Variants in TPTE2 observed in about 807,000 individuals in gnomAD.
The protein encoded by TPTE2 is phosphatidylinositol 3,4,5-trisphosphate 3-phosphatase TPTE2.
A neutral mutation model predicts 78.6 loss-of-function variants in TPTE2; 53 were observed. The observed-to-expected ratio is 0.67, with a 90% CI of 0.54 to 0.85. TPTE2 has a LOEUF of 0.85. Ranked by LOEUF, TPTE2 falls within the 40% of genes least tolerant of loss-of-function variation. TPTE2 has a pLI of 0.00. For synonymous variants in TPTE2, 175 were observed against 206.2 expected (o/e 0.85, Z 1.30); for missense variants, 461 against 623.0 (o/e 0.74, Z 2.77).
At chr13:19,439,336 A>C (rs1248950131) in intron 13 of TPTE2, among the ~76,000 whole-genome samples, 3 of 152,012 alleles carry the variant, frequency 2.0e-5, no homozygotes, top group Non-Finnish European at 4.4e-5. Flanking sequence ...GCAGAAGTGC[A>C]TAGGGCTGCA....
intron 19 of TPTE2, among the ~76,000 whole-genome samples, chr13:19,424,027 T>C (rs1391137160): frequency 6.6e-6 from 1 of 152,222 alleles, no homozygotes; most frequent in African/African-American, 2.4e-5. Flanking sequence ...CATTAAATGT[T>C]TTGCATTGCA....
intron 10 of TPTE2, among the ~76,000 whole-genome samples, chr13:19,456,778 G>A (rs1878561771): frequency 6.6e-6 from 1 of 152,108 alleles, no homozygotes. Flanking sequence ...GTGGGGGTGT[G>A]TTTGTGTGGG....
At chr13:19,547,421 A>C in the TPTE2 span, among the ~76,000 whole-genome samples, 1 of 152,218 alleles carries the variant, frequency 6.6e-6, no homozygotes, top group Non-Finnish European at 1.5e-5. Flanking sequence ...GGATTTTTAC[A>C]TAATCGGTTG....
chr13:19,498,901 C>T (rs1881571527), intron 1 of TPTE2, among the ~76,000 whole-genome samples: 1 of 152,032 alleles, frequency 6.6e-6, no homozygotes, highest in Non-Finnish European at 1.5e-5. Flanking sequence ...ATTCAGAAAA[C>T]CCATCTCACA....
the TPTE2 span, among the ~76,000 whole-genome samples, chr13:19,559,747 G>A: frequency 2.2e-5 from 3 of 135,576 alleles, no homozygotes; most frequent in Admixed American, 7.8e-5. Flanking sequence ...CTGTGGCTTC[G>A]GCAAGGCCCC....
chr13:19,422,889 A>G (rs1465392947), exon 20 of TPTE2: 1 of 563,974 alleles, frequency 1.8e-6, no homozygotes, highest in African/African-American at 2.0e-5. Flanking sequence ...TTATCTATAT[A>G]TATTTAATAG....
In TPTE2 at chr13:19,453,013, TTATTTTATG is replaced by T. The variant is rs1303886839; in HGVS notation, c.742-1797_742-1789del. On this transcript the variant is annotated intron_variant, in intron 10 of 19. Transcript: ENST00000400230. ...TTATTTTATTTTATTTTATTTTATGTTATTTTATGTTATTTTATTTTATTTTATTTTGAG... is the reference window on the plus strand; with the variant it reads ...TTATTTTATTTTATTTTATTTTATGTTTATTTTATTTTATTTTATTTTGAG... Among the ~76,000 whole-genome samples, 84 of 10,378 alleles carry T rather than the reference TTATTTTATG, an allele frequency of 8.1e-3. 1 individual carries two copies. The highest frequency in any genetic ancestry group is 0.016 in the Admixed American group (13 of 836). The allele number at this position is 10,378 out of a possible 152,430, so 6.8% of individuals were successfully genotyped here. A position where few individuals can be genotyped will look rare whatever the true frequency, so the allele number is the denominator to read the frequency against.
chr13:19,461,105 G>T (rs1878858906), intron 10 of TPTE2, among the ~76,000 whole-genome samples: 1 of 152,042 alleles, frequency 6.6e-6, no homozygotes, highest in Non-Finnish European at 1.5e-5. Context: ...ATATAATTTT[G>T]AGCCTGGGCC....
chr13:19,488,391 A>G (rs1375848839), intron 3 of TPTE2, among the ~76,000 whole-genome samples: 2 of 152,184 alleles, frequency 1.3e-5, no homozygotes, highest in African/African-American at 2.4e-5. Context: ...TCTAAATATA[A>G]AAGTCCTAGA....
At chr13:19,435,275 A>G (rs1454507855) in intron 15 of TPTE2, among the ~76,000 whole-genome samples, 1 of 152,230 alleles carries the variant, frequency 6.6e-6, no homozygotes, top group Non-Finnish European at 1.5e-5. Context: ...TTTTTAAGGT[A>G]TAATATTGTT....
upstream of TPTE2, among the ~76,000 whole-genome samples, chr13:19,506,100 T>C (rs1310325417): frequency 6.6e-6 from 1 of 150,390 alleles, no homozygotes; most frequent in Admixed American, 6.6e-5. Flanking sequence ...TGTGTGTATG[T>C]GTATGCATGA....
Position 19,451,524 on chromosome 13 carries a change from C to A in TPTE2, c.742-299G>T, listed in dbSNP as rs534203094. The stretch of plus-strand genomic sequence containing the variant: ...TAACTTTAAGTAATTTGTTCTAAAT[C>A]ATTAATTCACAGTTAATATGGTTCT... On this transcript the variant is annotated intron_variant, in intron 10 of 19. Transcript: ENST00000400230. Among the ~76,000 whole-genome samples, 3 of 152,274 alleles carry A rather than the reference C, an allele frequency of 2.0e-5. No individual in the cohort carries two copies. The South Asian group carries it at 6.2e-4, about 32-fold the overall frequency.
chr13:19,494,963 A>G (rs927882717), intron 1 of TPTE2, among the ~76,000 whole-genome samples: 14 of 152,348 alleles, frequency 9.2e-5, no homozygotes, highest in Admixed American at 7.8e-4. Context: ...GAGGTTTCCT[A>G]TGCCAACAGT....
At chr13:19,509,812 A>C (rs1206314541) in intron 1 of TPTE2, among the ~76,000 whole-genome samples, 2 of 152,226 alleles carry the variant, frequency 1.3e-5, no homozygotes, top group Non-Finnish European at 2.9e-5. Flanking sequence ...AGATAAACCT[A>C]TGTAGATATA....
At chr13:19,462,888 C>T (rs1458063428) in intron 10 of TPTE2, among the ~76,000 whole-genome samples, 2 of 151,800 alleles carry the variant, frequency 1.3e-5, no homozygotes, top group African/African-American at 4.8e-5. Flanking sequence ...CTACTATGCA[C>T]CTCAGAGAAG....
At chr13:19,520,224 TTTTA>T (rs983155976) in intron 1 of TPTE2, among the ~76,000 whole-genome samples, 13 of 152,116 alleles carry the variant, frequency 8.5e-5, no homozygotes, top group African/African-American at 2.9e-4. Flanking sequence ...TCTAGATGCT[TTTTA>T]TTTCTTTTCT....
chr13:19,511,333 C>T (rs9508275), intron 1 of TPTE2, among the ~76,000 whole-genome samples: 94,001 of 152,118 alleles, frequency 0.62, 33,330 homozygotes, highest in East Asian at 0.89. Context: ...AAATGAGATA[C>T]AACTTAATAC....
intron 1 of TPTE2, among the ~76,000 whole-genome samples, chr13:19,496,507 A>C (rs1208844626): frequency 3.3e-5 from 5 of 152,032 alleles, no homozygotes; most frequent in Non-Finnish European, 7.4e-5. Context: ...TGTCCATGGG[A>C]CACAGGCTAG....
At chr13:19,479,770 T>C (rs147794898) in intron 4 of TPTE2, among the ~76,000 whole-genome samples, 1,551 of 152,198 alleles carry the variant, frequency 0.01, 19 homozygotes, top group Middle Eastern at 0.048. Flanking sequence ...GAGACCATCC[T>C]GGCCAACATG....
Sources: gnomAD v4.1 joint callset for allele counts (sites outside exome capture counted in the v4.1 genomes callset) on GRCh38, gnomAD v4.1.1 for gene constraint, MANE v1.5 for transcripts, NCBI Gene and HGNC (gene_info 2026-07-23, HGNC 2026-07-21) for gene names.